FRAS1: variants seen among roughly 807,000 people sequenced by gnomAD.
FRAS1 encodes extracellular matrix organizing protein FRAS1.
In FRAS1, 290 loss-of-function variants were observed where a neutral mutation model predicts 435.2. The observed-to-expected ratio is 0.67, with a 90% CI of 0.61 to 0.73. The LOEUF (loss-of-function observed/expected upper bound fraction) is 0.73, where lower values mean the gene tolerates loss of function less well. Ranked by LOEUF, FRAS1 falls within the 30% of genes least tolerant of loss-of-function variation. The probability of loss-of-function intolerance (pLI) is 0.00; values close to 1 mark genes in which losing one functional copy is unlikely to be tolerated. For synonymous variants in FRAS1, 1,800 were observed against 1,851.0 expected, an observed-to-expected ratio of 0.97 and a Z score of 0.71; for missense variants, 4,860 against 5,001.5, an observed-to-expected ratio of 0.97 and a Z score of 0.85.
rs1740473776 is a variant in FRAS1 at position 78,073,603 on chromosome 4, A to G, written c.108+7587A>G. Among the ~76,000 whole-genome samples, 3 of 152,340 alleles carry G rather than the reference A, an allele frequency of 2.0e-5. No individual in the cohort carries two copies. In the South Asian group the frequency reaches 6.2e-4, roughly 32 times the overall value. Reference sequence around the variant, plus strand: ...TATTTTCTATGTGATACATTTATATATGCATGTGTATATATGTATAAATCC... The same window carrying G: ...TATTTTCTATGTGATACATTTATATGTGCATGTGTATATATGTATAAATCC... On this transcript the variant is annotated intron_variant, in intron 2 of 73. Coordinates refer to ENST00000512123, the MANE Select transcript of FRAS1 (RefSeq NM_025074.7).
chr4:78,069,973 C>T (rs1321300438), intron 2 of FRAS1, among the ~76,000 whole-genome samples: 1 of 152,012 alleles, frequency 6.6e-6, no homozygotes, highest in Non-Finnish European at 1.5e-5. Flanking sequence ...TCTCTGAACA[C>T]AACTAGCTTA....
chr4:78,256,129 A>T (rs2110138495), intron 6 of FRAS1, among the ~76,000 whole-genome samples: 1 of 152,348 alleles, frequency 6.6e-6, no homozygotes, highest in Admixed American at 6.5e-5. Flanking sequence ...TTTGTGTCAA[A>T]TGAAACAAAA....
chr4:78,308,539 C>G (rs1348520166), intron 15 of FRAS1, among the ~76,000 whole-genome samples: 2 of 152,204 alleles, frequency 1.3e-5, no homozygotes, highest in Admixed American at 1.3e-4. Context: ...CCCCAGATCC[C>G]AAACTCTCTA....
intron 27 of FRAS1, among the ~76,000 whole-genome samples, chr4:78,380,427 A>G (rs1222408268): frequency 6.6e-6 from 1 of 152,150 alleles, no homozygotes; most frequent in Non-Finnish European, 1.5e-5. Context: ...GAAACTTAGA[A>G]TCACAGTGAA....
At chr4:78,406,955 C>T (rs1241694094) in intron 30 of FRAS1, among the ~76,000 whole-genome samples, 4 of 152,156 alleles carry the variant, frequency 2.6e-5, no homozygotes, top group East Asian at 1.9e-4. Context: ...CCTGACCTCA[C>T]GTGAAAGGTT....
rs1720617687 is a variant in FRAS1, at chr4:78,499,709, A to G, written c.9116-12A>G. 2 of 1,612,072 alleles carry G rather than the reference A, an allele frequency of 1.2e-6. No homozygotes were observed. The highest frequency in any genetic ancestry group is 1.7e-6 in the Non-Finnish European group (2 of 1,178,866). ...CTAACTGGCTCTTGTTTTCCTAACC[A>G]TATTTCCTTAGCCCCCACCATTGAG... On this transcript the variant is annotated splice_polypyrimidine_tract_variant and intron_variant, in intron 60 of 73. Coordinates refer to ENST00000512123, the MANE Select transcript of FRAS1 (RefSeq NM_025074.7).
intron 2 of FRAS1, among the ~76,000 whole-genome samples, chr4:78,154,160 C>T (rs934595567): frequency 3.3e-5 from 5 of 151,946 alleles, no homozygotes; most frequent in Admixed American, 6.6e-5. Context: ...AGATGAGAAG[C>T]TAATATATGG....
intron 2 of FRAS1, among the ~76,000 whole-genome samples, chr4:78,232,991 T>C (rs1578198416): frequency 6.6e-6 from 1 of 152,152 alleles, no homozygotes; most frequent in South Asian, 2.1e-4. Context: ...AAAACTATGG[T>C]TTTGTGAATG....
intron 18 of FRAS1, among the ~76,000 whole-genome samples, chr4:78,320,339 C>T (rs1294986484): frequency 6.6e-6 from 1 of 152,198 alleles, no homozygotes; most frequent in Non-Finnish European, 1.5e-5. Flanking sequence ...ACAGCCTTCC[C>T]CTGTGGTCTG....
chr4:78,528,805 G>GT (rs1163952145), intron 70 of FRAS1, among the ~76,000 whole-genome samples: 3 of 152,128 alleles, frequency 2.0e-5, no homozygotes, highest in Admixed American at 1.3e-4. Context: ...TATGACAGAT[G>GT]TATGTTTAAC....
chr4:78,125,428 A>C (rs1244775118), intron 2 of FRAS1, among the ~76,000 whole-genome samples: 2 of 152,170 alleles, frequency 1.3e-5, no homozygotes, highest in African/African-American at 4.8e-5. Context: ...CAATTTTAGA[A>C]TAAGTGCAGT....
chr4:78,127,830 C>T (rs1253178695), intron 2 of FRAS1, among the ~76,000 whole-genome samples: 1 of 151,558 alleles, frequency 6.6e-6, no homozygotes, highest in Non-Finnish European at 1.5e-5. Flanking sequence ...ACCTCATGTG[C>T]CATGTTGGTG....
intron 61 of FRAS1, among the ~76,000 whole-genome samples, chr4:78,500,946 A>C (rs1720658777): frequency 6.6e-6 from 1 of 151,962 alleles, no homozygotes; most frequent in Non-Finnish European, 1.5e-5. Context: ...TCAGAAACTC[A>C]CCTTACAAAA....
At position 78,364,014 on chromosome 4, in the gene FRAS1, C is replaced by A. The variant is rs1407298756; in HGVS notation, c.2682C>A (p.Cys894Ter). 1 of 1,603,626 alleles carries A rather than the reference C, an allele frequency of 6.2e-7. No homozygotes were observed. Among genetic ancestry groups the A allele is most frequent in the Non-Finnish European group, 8.5e-7 (1 of 1,174,704 alleles). The change falls in exon 22 of 74, where the codon TGC (cysteine) becomes TGA (stop). Residue 894 changes from cysteine (C) to a stop codon, truncating the protein, a stop_gained. Transcript: ENST00000512123. LOFTEE classifies it high-confidence loss of function. ...ACACTGGCACCTGCAGCACCACCTG[C>A]TTCCCTGGGCACTATCTTGATGACA... is the stretch of plus-strand genomic sequence containing the variant. Reference protein sequence around the residue: ...LSHTGTCSTTCFPGHYLDDNH... With the variant: ...LSHTGTCSTT
chr4:78,134,446 T>C (rs1470801312), intron 2 of FRAS1, among the ~76,000 whole-genome samples: 1 of 152,202 alleles, frequency 6.6e-6, no homozygotes, highest in Non-Finnish European at 1.5e-5. Flanking sequence ...TGTAATCACA[T>C]CATTTTTACT....
intron 56 of FRAS1, among the ~76,000 whole-genome samples, chr4:78,480,364 G>T (rs1719977341): frequency 6.6e-6 from 1 of 152,156 alleles, no homozygotes; most frequent in African/African-American, 2.4e-5. Context: ...TTATTTGTGG[G>T]AGCTAAAGGT....
chr4:78,064,215 A>G (rs1388563522), intron 1 of FRAS1, among the ~76,000 whole-genome samples: 2 of 150,718 alleles, frequency 1.3e-5, no homozygotes, highest in Non-Finnish European at 3.0e-5. Flanking sequence ...AAAAATAAAT[A>G]AATAAATAAA....
At chr4:78,273,922 C>T (rs112290117) in intron 9 of FRAS1, among the ~76,000 whole-genome samples, 1,528 of 152,182 alleles carry the variant, frequency 0.01, 23 homozygotes, top group African/African-American at 0.035. Context: ...TGGTAGAATT[C>T]GGCTGTGAAT....
chr4:78,264,404 T>A (rs1288277557), intron 6 of FRAS1, among the ~76,000 whole-genome samples: 1 of 152,200 alleles, frequency 6.6e-6, no homozygotes, highest in Non-Finnish European at 1.5e-5. Context: ...TATGAGTGAT[T>A]TTTTTTCATG....
Sources: gnomAD v4.1 joint callset for allele counts (sites outside exome capture counted in the v4.1 genomes callset) on GRCh38, gnomAD v4.1.1 for gene constraint, MANE v1.5 for transcripts, NCBI Gene and HGNC (gene_info 2026-07-23, HGNC 2026-07-21) for gene names.